MTCL2: variants seen among roughly 807,000 people sequenced by gnomAD.
MTCL2 encodes microtubule crosslinking factor 2.
chr20:36,846,318 C>T, the MTCL2 span, among the ~76,000 whole-genome samples: 1 of 152,182 alleles, frequency 6.6e-6, no homozygotes, highest in East Asian at 1.9e-4. Context: ...GCCTTGGGGC[C>T]CCTGACCCTC....
the MTCL2 span, among the ~76,000 whole-genome samples, chr20:36,808,227 G>T: frequency 1.6e-4 from 24 of 151,484 alleles, no homozygotes; most frequent in Admixed American, 1.4e-3. Flanking sequence ...ATGGTGGCAT[G>T]TGCCTGTAAT....
At chr20:36,812,587 G>C in the MTCL2 span, 3 of 1,345,206 alleles carry the variant, frequency 2.2e-6, no homozygotes, top group Non-Finnish European at 3.0e-6. Context: ...GGAACCAAAT[G>C]GAATGCCCCA....
chr20:36,815,197 G>C, the MTCL2 span: 1 of 1,613,926 alleles, frequency 6.2e-7, no homozygotes, highest in Non-Finnish European at 8.5e-7. This position sits in a 1 kb window ranked among gnomAD's most constrained non-coding sequence, Gnocchi z 5.3. Context: ...AAGGGGGGCA[G>C]TGATGAGAAG....
the MTCL2 span, among the ~76,000 whole-genome samples, chr20:36,830,094 G>T: frequency 6.6e-6 from 1 of 152,064 alleles, no homozygotes; most frequent in African/African-American, 2.4e-5. Context: ...TCAGCTTCCC[G>T]AGTAGCTGAG....
chr20:36,829,356 C>T, the MTCL2 span: 2 of 781,710 alleles, frequency 2.6e-6, no homozygotes, highest in South Asian at 3.9e-5. Flanking sequence ...TGCAGATGAG[C>T]AAACTGAGGC....
At chr20:36,850,268 C>T in the MTCL2 span, among the ~76,000 whole-genome samples, 1 of 152,176 alleles carries the variant, frequency 6.6e-6, no homozygotes, top group Admixed American at 6.6e-5. Flanking sequence ...GTGGCTCACA[C>T]CTGTAATCCC....
At chr20:36,860,231 C>G in the MTCL2 span, among the ~76,000 whole-genome samples, 1 of 152,178 alleles carries the variant, frequency 6.6e-6, no homozygotes, top group Non-Finnish European at 1.5e-5. Context: ...TCTTCTTACT[C>G]CAGACCCTCA....
At chr20:36,854,662 C>T in the MTCL2 span, among the ~76,000 whole-genome samples, 4 of 152,082 alleles carry the variant, frequency 2.6e-5, no homozygotes, top group South Asian at 4.1e-4. Flanking sequence ...GCAACTGACT[C>T]GAGCCCAGAA....
the MTCL2 span, among the ~76,000 whole-genome samples, chr20:36,795,357 T>G: frequency 6.6e-6 from 1 of 152,188 alleles, no homozygotes; most frequent in Non-Finnish European, 1.5e-5. Flanking sequence ...CTCAAAATGC[T>G]GGGATTAGAG....
chr20:36,800,297 T>C, the MTCL2 span, among the ~76,000 whole-genome samples: 2 of 152,240 alleles, frequency 1.3e-5, no homozygotes, highest in Non-Finnish European at 2.9e-5. Flanking sequence ...CATTTTGTTG[T>C]TAATATAATA....
the MTCL2 span, among the ~76,000 whole-genome samples, chr20:36,838,344 C>T: frequency 6.6e-6 from 1 of 152,178 alleles, no homozygotes; most frequent in Non-Finnish European, 1.5e-5. Context: ...CTTGTAATCC[C>T]AGCACTTTGG....
chr20:36,852,703 C>G, the MTCL2 span, among the ~76,000 whole-genome samples: 1 of 152,132 alleles, frequency 6.6e-6, no homozygotes, highest in Non-Finnish European at 1.5e-5. Flanking sequence ...CCCCAGAGCT[C>G]AATCTAGCTT....
the MTCL2 span, among the ~76,000 whole-genome samples, chr20:36,825,293 T>G: frequency 6.6e-6 from 1 of 152,204 alleles, no homozygotes; most frequent in Non-Finnish European, 1.5e-5. Flanking sequence ...AATTAAATCA[T>G]GATTTTAAAA....
At chr20:36,781,657 G>C in the MTCL2 span, 1 of 151,288 alleles carries the variant, frequency 6.6e-6, no homozygotes, top group Non-Finnish European at 1.5e-5. Context: ...ACCAGCCTGG[G>C]CAACATAGGG....
chr20:36,838,233 G>C, the MTCL2 span, among the ~76,000 whole-genome samples: 1 of 152,064 alleles, frequency 6.6e-6, no homozygotes, highest in South Asian at 2.1e-4. Flanking sequence ...TGTGTTTTCA[G>C]TAGAGACAGG....
At chr20:36,813,784 GA>G in the MTCL2 span, among the ~76,000 whole-genome samples, 1 of 120,900 alleles carries the variant, frequency 8.3e-6, no homozygotes, top group Admixed American at 8.3e-5. Context: ...AAAGATAAAA[GA>G]AAAAAAGAAA....
At chr20:36,851,753 T>C in the MTCL2 span, among the ~76,000 whole-genome samples, 1 of 152,188 alleles carries the variant, frequency 6.6e-6, no homozygotes, top group Non-Finnish European at 1.5e-5. Context: ...AGAATGTCAG[T>C]CTCTACCACC....
At chr20:36,790,428 C>CTTTT in the MTCL2 span, among the ~76,000 whole-genome samples, 1 of 101,130 alleles carries the variant, frequency 9.9e-6, no homozygotes, top group African/African-American at 4.2e-5. Flanking sequence ...ACGCCTGGCC[C>CTTTT]TTTTTTTTTT....
At chr20:36,777,630 G>C in the MTCL2 span, 3 of 479,054 alleles carry the variant, frequency 6.3e-6, no homozygotes, top group African/African-American at 6.1e-5. Flanking sequence ...AAGTGGAAAG[G>C]AGAGAATAGT....
Sources: gnomAD v4.1 joint callset for allele counts (sites outside exome capture counted in the v4.1 genomes callset) on GRCh38, gnomAD v4.1.1 for gene constraint, Gnocchi (gnomAD v3.1) non-coding constraint, MANE v1.5 for transcripts, NCBI Gene and HGNC (gene_info 2026-07-23, HGNC 2026-07-21) for gene names.